Variants in CIMIP2B observed in about 807,000 individuals in gnomAD.
The protein encoded by CIMIP2B is family with sequence similarity 166 member B.
At chr9:35,563,012 C>T in the CIMIP2B span, 2 of 1,614,016 alleles carry the variant, frequency 1.2e-6, no homozygotes, top group Admixed American at 3.3e-5. Flanking sequence ...TGAGTAAAGT[C>T]ACTCAGAGCC....
At chr9:35,563,224 A>T in the CIMIP2B span, 2 of 1,613,486 alleles carry the variant, frequency 1.2e-6, no homozygotes, top group African/African-American at 2.7e-5. Flanking sequence ...TGACAGGTAG[A>T]CTCTCCCTGG....
At chr9:35,563,437 C>G in the CIMIP2B span, 10 of 1,434,178 alleles carry the variant, frequency 7.0e-6, no homozygotes, top group Non-Finnish European at 8.7e-6. Context: ...GCCCCGCCAT[C>G]CCCAGAGGCA....
chr9:35,561,947 C>A, the CIMIP2B span: 1 of 373,482 alleles, frequency 2.7e-6, no homozygotes. Flanking sequence ...CCACCTCTCT[C>A]CCTTCCAAAA....
chr9:35,562,327 C>G, the CIMIP2B span: 1 of 1,237,046 alleles, frequency 8.1e-7, no homozygotes, highest in East Asian at 2.6e-5. Context: ...CCACCCCATA[C>G]CCATACAAAC....
At chr9:35,562,615 C>T in the CIMIP2B span, 1 of 1,611,688 alleles carries the variant, frequency 6.2e-7, no homozygotes, top group South Asian at 1.1e-5. Context: ...CTGGGGCCTC[C>T]CCACGCCTCT....
chr9:35,562,118 C>G, the CIMIP2B span: 3 of 1,487,552 alleles, frequency 2.0e-6, no homozygotes, highest in Middle Eastern at 6.8e-4. Context: ...GAGAGTCTGT[C>G]ACATGTAGCA....
chr9:35,562,421 T>G, the CIMIP2B span: 2 of 1,543,242 alleles, frequency 1.3e-6, no homozygotes, highest in Non-Finnish European at 1.7e-6. Context: ...ACCCAGGTTC[T>G]GAGGGTATGT....
the CIMIP2B span, chr9:35,562,477 T>C: frequency 6.3e-7 from 1 of 1,583,134 alleles, no homozygotes; most frequent in Non-Finnish European, 8.6e-7. Context: ...CACTGCCTGG[T>C]GAGTGCTTCT....
chr9:35,562,809 G>A, the CIMIP2B span: 1 of 1,609,234 alleles, frequency 6.2e-7, no homozygotes, highest in Non-Finnish European at 8.5e-7. Flanking sequence ...TGCCCCCACT[G>A]CCCGGACACA....
At chr9:35,562,091 A>ACT in the CIMIP2B span, 1 of 1,532,492 alleles carries the variant, frequency 6.5e-7, no homozygotes, top group Non-Finnish European at 8.7e-7. Context: ...ACTGGAACTT[A>ACT]TACCCTGTGT....
chr9:35,562,136 T>C, the CIMIP2B span: 1 of 1,416,440 alleles, frequency 7.1e-7, no homozygotes, highest in East Asian at 2.5e-5. Context: ...GCAAGTGGCA[T>C]GGCAAAGCCA....
the CIMIP2B span, chr9:35,563,060 A>C: frequency 6.2e-7 from 1 of 1,614,004 alleles, no homozygotes; most frequent in Non-Finnish European, 8.5e-7. Context: ...GCAAAGATGA[A>C]CTGTGCCCGG....
the CIMIP2B span, chr9:35,562,081 A>T: frequency 1.3e-6 from 2 of 1,534,742 alleles, no homozygotes; most frequent in Non-Finnish European, 1.7e-6. Context: ...GTGTGGCCAA[A>T]CTGGAACTTA....
chr9:35,561,849 T>TATTTA, the CIMIP2B span: 35 of 631,346 alleles, frequency 5.5e-5, no homozygotes, highest in South Asian at 2.1e-4. Flanking sequence ...TGTATTTATT[T>TATTTA]ATTTATTTAT....
the CIMIP2B span, chr9:35,563,495 T>C: frequency 1.2e-5 from 11 of 902,530 alleles, no homozygotes; most frequent in East Asian, 2.6e-5. Flanking sequence ...CAGCAGTGTA[T>C]ATATTTGGAG....
chr9:35,561,917 C>G, the CIMIP2B span: 2 of 126,284 alleles, frequency 1.6e-5, no homozygotes, highest in Non-Finnish European at 3.6e-5. Flanking sequence ...TTGTGTTCCC[C>G]CACCCTCCCA....
At chr9:35,562,781 C>T in the CIMIP2B span, 1 of 1,609,338 alleles carries the variant, frequency 6.2e-7, no homozygotes, top group South Asian at 1.1e-5. Context: ...CCTGAACCCA[C>T]AGCCACACTA....
chr9:35,562,330 ATAC>A, the CIMIP2B span: 8 of 1,159,750 alleles, frequency 6.9e-6, no homozygotes, highest in Non-Finnish European at 9.4e-6. Context: ...CCCCATACCC[ATAC>A]AAACAAACAT....
the CIMIP2B span, chr9:35,563,422 G>A: frequency 1.3e-5 from 19 of 1,506,968 alleles, no homozygotes; most frequent in Middle Eastern, 1.8e-4. Context: ...CACCAGAATC[G>A]CCCTGCCCCG....
Sources: gnomAD v4.1 joint callset for allele counts on GRCh38, gnomAD v4.1.1 for gene constraint, MANE v1.5 for transcripts, NCBI Gene and HGNC (gene_info 2026-07-23, HGNC 2026-07-21) for gene names.